The following NPAS3 variants were observed in gnomAD, a reference collection of about 807,000 sequenced individuals.
NPAS3 encodes neuronal PAS domain protein 3, also known as neuronal PAS domain-containing protein 3.
NPAS3 carries 14 observed loss-of-function variants against 73.1 expected under a neutral mutation model. The observed-to-expected ratio is 0.19, with a 90% CI of 0.13 to 0.30. The LOEUF (loss-of-function observed/expected upper bound fraction) is 0.30, where lower values mean the gene tolerates loss of function less well. Ranked by LOEUF, NPAS3 falls within the 10% of genes least tolerant of loss-of-function variation. NPAS3 has a pLI of 1.00. For synonymous variants in NPAS3, 620 were observed against 541.5 expected, an observed-to-expected ratio of 1.14 and a Z score of -2.01; for missense variants, 1,096 against 1,250.0, an observed-to-expected ratio of 0.88 and a Z score of 1.86.
intron 2 of NPAS3, among the ~76,000 whole-genome samples, chr14:33,145,055 TTCTC>T (rs1222961094): frequency 6.6e-6 from 1 of 152,216 alleles, no homozygotes; most frequent in South Asian, 2.1e-4. Context: ...TTGTTCCTCT[TTCTC>T]TCTCATGATA....
At chr14:33,294,960 G>A (rs1467419889) in intron 3 of NPAS3, among the ~76,000 whole-genome samples, 1 of 152,166 alleles carries the variant, frequency 6.6e-6, no homozygotes, top group African/African-American at 2.4e-5. Flanking sequence ...ATGCTGTGGT[G>A]TTCGGGATCT....
chr14:32,978,936 A>C (rs2037794052), intron 1 of NPAS3, among the ~76,000 whole-genome samples: 1 of 152,150 alleles, frequency 6.6e-6, no homozygotes, highest in Admixed American at 6.5e-5. Flanking sequence ...TCGAGAGGTC[A>C]GGAATCTCAT....
upstream of NPAS3, chr14:32,939,114 GGCCGCCGCC>G (rs536218835): frequency 1.4e-4 from 21 of 149,156 alleles, no homozygotes; most frequent in Admixed American, 7.9e-4. Flanking sequence ...TCAGCAGCAC[GGCCGCCGCC>G]GCCGCCGCCG....
chr14:33,777,703 C>T (rs1177667901), intron 8 of NPAS3, among the ~76,000 whole-genome samples: 1 of 152,128 alleles, frequency 6.6e-6, no homozygotes, highest in African/African-American at 2.4e-5. Context: ...AGGCGGATTC[C>T]CCCAACACGG....
At chr14:33,102,798 G>C (rs946373446) in intron 2 of NPAS3, among the ~76,000 whole-genome samples, 2 of 152,120 alleles carry the variant, frequency 1.3e-5, no homozygotes, top group African/African-American at 2.4e-5. Context: ...TCTAAGATAG[G>C]CTCCAATTTA....
chr14:33,332,033 T>C (rs970842405), intron 3 of NPAS3, among the ~76,000 whole-genome samples: 2 of 152,218 alleles, frequency 1.3e-5, no homozygotes, highest in African/African-American at 2.4e-5. Context: ...GAAAATTTTT[T>C]AGCCTACGTT....
chr14:33,291,947 C>A (rs151158297), intron 3 of NPAS3, among the ~76,000 whole-genome samples: 6 of 152,168 alleles, frequency 3.9e-5, no homozygotes, highest in African/African-American at 1.4e-4. Flanking sequence ...TGAGGCTTGG[C>A]GTAGGGCTGC....
intron 4 of NPAS3, among the ~76,000 whole-genome samples, chr14:33,435,234 G>T (rs1224321005): frequency 1.3e-5 from 2 of 152,144 alleles, no homozygotes; most frequent in Admixed American, 6.5e-5. Flanking sequence ...AAAGAGAATA[G>T]ATCAAAGGGC....
rs150159082 is a variant in NPAS3, at chr14:33,708,458, A to C, written c.734-26756A>C. 1.3e-3 allele frequency among the ~76,000 whole-genome samples: 204 copies of C among 152,312 alleles called. 1 individual carries two copies. The highest frequency in any genetic ancestry group is 4.5e-3 in the African/African-American group (185 of 41,568). On this transcript the variant is annotated intron_variant, in intron 6 of 11. Transcript: ENST00000356141. ...TAACCATGGGGCAAGTGTTAAAATT[A>C]TGTTACATCTTAAAAACTAGTTAAG...
intron 4 of NPAS3, among the ~76,000 whole-genome samples, chr14:33,391,937 A>G (rs908182098): frequency 6.6e-6 from 1 of 152,230 alleles, no homozygotes; most frequent in Non-Finnish European, 1.5e-5. Flanking sequence ...AATGGTATTG[A>G]TGAAGATAAT....
At chr14:33,556,117 GCTTAATA>G (rs2055348224) in intron 4 of NPAS3, among the ~76,000 whole-genome samples, 2 of 152,140 alleles carry the variant, frequency 1.3e-5, no homozygotes, top group African/African-American at 2.4e-5. Flanking sequence ...GATCGCTACT[GCTTAATA>G]GCATCAGATG....
intron 3 of NPAS3, among the ~76,000 whole-genome samples, chr14:33,319,639 G>A (rs1251024548): frequency 1.3e-5 from 2 of 150,994 alleles, no homozygotes; most frequent in Non-Finnish European, 2.9e-5. Flanking sequence ...GGCTCTATGG[G>A]GTTGGAAAAA....
intron 3 of NPAS3, among the ~76,000 whole-genome samples, chr14:33,301,212 T>C (rs1195521027): frequency 6.6e-6 from 1 of 150,640 alleles, no homozygotes; most frequent in Non-Finnish European, 1.5e-5. Flanking sequence ...GCCACTTTTC[T>C]TCCATATCCC....
At position 33,316,196 on chromosome 14, in the gene NPAS3, C is replaced by T. The variant is rs141762481; in HGVS notation, c.386-50990C>T. On this transcript the variant is annotated intron_variant, in intron 3 of 11. Coordinates refer to ENST00000356141, the Ensembl canonical transcript of NPAS3. ...TAATACATATCAGTTACCTTAATTG[C>T]AAAATTGTGCCTCAAATCTTAGCAG... is the stretch of plus-strand genomic sequence containing the variant. Among the ~76,000 whole-genome samples, 1,168 of 152,142 alleles carry T rather than the reference C, an allele frequency of 7.7e-3. 6 individuals carry two copies. The highest frequency in any genetic ancestry group is 0.013 in the Non-Finnish European group (865 of 67,978).
intron 4 of NPAS3, among the ~76,000 whole-genome samples, chr14:33,400,655 G>A (rs1156586072): frequency 1.3e-5 from 2 of 152,224 alleles, no homozygotes; most frequent in Non-Finnish European, 2.9e-5. Context: ...AGTTCAATGA[G>A]AAGACAGTCA....
chr14:33,206,056 A>C (rs866206635), intron 2 of NPAS3, among the ~76,000 whole-genome samples: 3 of 152,198 alleles, frequency 2.0e-5, no homozygotes, highest in African/African-American at 7.2e-5. Context: ...TAGGGGTTTT[A>C]TTGGATATTT....
intron 3 of NPAS3, among the ~76,000 whole-genome samples, chr14:33,317,808 A>C (rs564458081): frequency 6.6e-5 from 10 of 152,220 alleles, no homozygotes; most frequent in African/African-American, 2.4e-4. Context: ...TATTAGCAGC[A>C]TGAGAATGGA....
intron 1 of NPAS3, among the ~76,000 whole-genome samples, chr14:33,047,495 C>T (rs146811706): frequency 1.4e-4 from 21 of 152,100 alleles, no homozygotes; most frequent in African/African-American, 3.1e-4. Flanking sequence ...TGATTTGTAC[C>T]GGTTTCTAAT....
At chr14:33,452,254 A>G (rs2049826984) in intron 4 of NPAS3, among the ~76,000 whole-genome samples, 1 of 152,104 alleles carries the variant, frequency 6.6e-6, no homozygotes, top group Non-Finnish European at 1.5e-5. Flanking sequence ...AGGAGGTTGA[A>G]CCTACATGCT....
Sources: gnomAD v4.1 joint callset for allele counts (sites outside exome capture counted in the v4.1 genomes callset) on GRCh38, gnomAD v4.1.1 for gene constraint, MANE v1.5 for transcripts, NCBI Gene and HGNC (gene_info 2026-07-23, HGNC 2026-07-21) for gene names.